USP33: variants seen among roughly 807,000 people sequenced by gnomAD.
USP33 encodes the protein ubiquitin carboxyl-terminal hydrolase 33.
A neutral mutation model predicts 124.2 loss-of-function variants in USP33; 46 were observed. The observed-to-expected ratio is 0.37, with a 90% CI of 0.29 to 0.47. The LOEUF is 0.47. Ranked by LOEUF, USP33 falls within the 20% of genes least tolerant of loss-of-function variation. The pLI is 0.99. For synonymous variants in USP33, 350 were observed against 352.3 expected (o/e 0.99, Z 0.07); for missense variants, 851 against 1,070.6 (o/e 0.79, Z 2.86).
intron 1 of USP33, among the ~76,000 whole-genome samples, chr1:77,753,354 G>A (rs1421809334): frequency 6.6e-6 from 1 of 152,080 alleles, no homozygotes; most frequent in Non-Finnish European, 1.5e-5. Flanking sequence ...CTGGGAGGCA[G>A]GGGCATGAGG....
Position 77,697,187 on chromosome 1 carries a change from G to A in USP33, c.*130C>T. ...TATATTCTTCCATAATGCCCACTAA[G>A]AAGAAATAAATGGGATAAATGATGA... is the stretch of plus-strand genomic sequence containing the variant. On this transcript the variant is annotated 3_prime_UTR_variant, in exon 24 of 24. Transcript: ENST00000370794. The A allele has an allele frequency of 1.1e-6, 1 of 881,262 alleles. No homozygotes were observed. 54.6% of individuals were successfully genotyped at this position (881,262 alleles called of 1,614,324 possible).
chr1:77,729,822 TTTAGA>T (rs764834616), intron 9 of USP33, 33 bp downstream of exon 9: 1 of 1,594,754 alleles, frequency 6.3e-7, no homozygotes, highest in East Asian at 2.2e-5. Flanking sequence ...TCCAAATTTA[TTTAGA>T]TTAAAATTAC....
intron 1 of USP33, among the ~76,000 whole-genome samples, chr1:77,755,181 A>G (rs1680682785): frequency 6.6e-6 from 1 of 152,194 alleles, no homozygotes. Flanking sequence ...ATTCATGTAA[A>G]CCACATAGAA....
At chr1:77,708,752 T>G (rs192396222) in intron 21 of USP33, among the ~76,000 whole-genome samples, 1 of 146,844 alleles carries the variant, frequency 6.8e-6, no homozygotes, top group East Asian at 2.0e-4. Context: ...TTTGTGACTT[T>G]CCTCATTTGA....
At chr1:77,703,232 C>G (rs544485704) in intron 21 of USP33, among the ~76,000 whole-genome samples, 68 of 152,294 alleles carry the variant, frequency 4.5e-4, no homozygotes, top group African/African-American at 1.6e-3. Context: ...TGCACTAACC[C>G]TTCTTTTTGC....
At position 77,697,262 on chromosome 1, in the gene USP33, A is replaced by G. The variant is rs1277090607; in HGVS notation, c.*55T>C. ...CTTTTAGGAATGTTTTCGCATGTGT[A>G]CATGTCAGGGCACATGAAAATGATT... On this transcript the variant is annotated 3_prime_UTR_variant, in exon 24 of 24. Transcript: ENST00000370794. 6.9e-7 allele frequency: 1 copy of G among 1,456,740 alleles called. No individual in the cohort carries two copies. Among genetic ancestry groups the G allele is most frequent in the African/African-American group, 1.4e-5 (1 of 70,160 alleles). 90.2% of individuals were successfully genotyped at this position (1,456,740 alleles called of 1,614,324 possible). A position where few individuals can be genotyped will look rare whatever the true frequency, so the allele number is the denominator to read the frequency against.
At chr1:77,729,626 G>A (rs1424698896) in intron 9 of USP33, among the ~76,000 whole-genome samples, 3 of 151,886 alleles carry the variant, frequency 2.0e-5, no homozygotes, top group Non-Finnish European at 4.4e-5. Flanking sequence ...AGCCAAGATT[G>A]CACCACTGCA....
At position 77,716,287 on chromosome 1, in the gene USP33, G is replaced by A. The variant is rs557946603; in HGVS notation, c.1919-419C>T. 1.9e-4 allele frequency among the ~76,000 whole-genome samples: 29 copies of A among 152,022 alleles called. No homozygotes were observed. In the South Asian group the frequency reaches 3.7e-3, roughly 20 times the overall value. On this transcript the variant is annotated intron_variant, in intron 17 of 23. Coordinates refer to ENST00000370794, the MANE Select transcript of USP33 (RefSeq NM_201624.3). ...GTTGTCCAGGCTGTTCTCAAACTCC[G>A]AGCCTCAAGTGATCCTTCTGCCTCA...
chr1:77,741,238 G>T (rs909647687), intron 3 of USP33, 138 bp downstream of exon 3: 2 of 809,192 alleles, frequency 2.5e-6, no homozygotes, highest in Non-Finnish European at 3.8e-6. Context: ...TTTAATTTTT[G>T]TTATTAATAA....
chr1:77,732,895 A>T (rs879606947), intron 7 of USP33, among the ~76,000 whole-genome samples: 1 of 148,608 alleles, frequency 6.7e-6, no homozygotes, highest in Non-Finnish European at 1.5e-5. Context: ...CAGGGTTTAC[A>T]CAATTCTCCT....
chr1:77,738,769 C>T (rs1435437160), intron 5 of USP33, among the ~76,000 whole-genome samples: 6 of 152,138 alleles, frequency 3.9e-5, no homozygotes, highest in East Asian at 1.9e-4. Flanking sequence ...CGTGAGCCAC[C>T]GCACCCAGCC....
At chr1:77,731,683 AT>A (rs1677831242) in intron 7 of USP33, among the ~76,000 whole-genome samples, 1 of 152,134 alleles carries the variant, frequency 6.6e-6, no homozygotes, top group African/African-American at 2.4e-5. Context: ...CAATAGTGTA[AT>A]CGTATCAGCC....
chr1:77,746,492 A>T (rs1393365936), intron 1 of USP33: 1 of 152,234 alleles, frequency 6.6e-6, no homozygotes, highest in Non-Finnish European at 1.5e-5. Context: ...TATTCCAATC[A>T]ATATAAAAAG....
intron 1 of USP33, among the ~76,000 whole-genome samples, chr1:77,751,330 A>C (rs1680312418): frequency 6.6e-6 from 1 of 152,156 alleles, no homozygotes; most frequent in South Asian, 2.1e-4. Context: ...CCGGTGGCTA[A>C]ATTGCTCATC....
intron 5 of USP33, among the ~76,000 whole-genome samples, 185 bp from the exon 6 acceptor site, chr1:77,736,343 G>A (rs1185008086): frequency 6.6e-6 from 1 of 152,144 alleles, no homozygotes; most frequent in Non-Finnish European, 1.5e-5. Flanking sequence ...TAAAACCCTA[G>A]GGTAATAGCA....
intron 23 of USP33, 183 bp from the exon 24 acceptor site, chr1:77,697,657 A>G (rs1053806093): frequency 7.3e-5 from 67 of 912,626 alleles, no homozygotes; most frequent in Non-Finnish European, 1.0e-4. Context: ...AAAAAGTCAG[A>G]GATGCTTTTG....
At chr1:77,701,042 C>T (rs1007191647) in intron 22 of USP33, among the ~76,000 whole-genome samples, 1 of 152,138 alleles carries the variant, frequency 6.6e-6, no homozygotes, top group African/African-American at 2.4e-5. Context: ...TATTGTCATA[C>T]AATTTTACTT....
At chr1:77,708,298 A>G (rs923023718) in intron 21 of USP33, among the ~76,000 whole-genome samples, 7 of 152,246 alleles carry the variant, frequency 4.6e-5, no homozygotes, top group African/African-American at 1.7e-4. Flanking sequence ...GAAAGGTATA[A>G]GAGAAAGAAA....
rs1673463241 is a variant in USP33, at chr1:77,696,689, C to T, written c.*628G>A. 1 of 152,096 alleles carries T rather than the reference C, an allele frequency of 6.6e-6. No individual in the cohort carries two copies. The highest frequency in any genetic ancestry group is 6.6e-5 in the Admixed American group (1 of 15,266). The allele number at this position is 152,096 out of a possible 1,614,324, so 9.4% of individuals were successfully genotyped here. A position where few individuals can be genotyped will look rare whatever the true frequency, so the allele number is the denominator to read the frequency against. The stretch of plus-strand genomic sequence containing the variant: ...TAGGACAATGAAAAAGTTTTCAAAG[C>T]AAAAGTATTTACAACACTACAAAGG... On this transcript the variant is annotated 3_prime_UTR_variant, in exon 24 of 24. Transcript: ENST00000370794.
Sources: allele counts gnomAD v4.1 joint callset (sites outside exome capture counted in the v4.1 genomes callset), GRCh38; gene constraint gnomAD v4.1.1; transcripts MANE v1.5; gene names NCBI Gene and HGNC (gene_info 2026-07-23, HGNC 2026-07-21).